Variants in LRRTM4 observed in about 807,000 individuals in gnomAD.
LRRTM4 encodes the protein leucine rich repeat transmembrane neuronal 4.
Under a neutral mutation model 47.6 loss-of-function variants are expected in LRRTM4, and 25 were observed. The observed-to-expected ratio is 0.53, with a 90% CI of 0.38 to 0.73. The LOEUF (loss-of-function observed/expected upper bound fraction) is 0.73. Ranked by LOEUF, LRRTM4 falls within the 30% of genes least tolerant of loss-of-function variation. The pLI, the probability that LRRTM4 is intolerant of heterozygous loss-of-function variation, is 0.00. For synonymous variants in LRRTM4, 311 were observed against 269.5 expected, an observed-to-expected ratio of 1.15 and a Z score of -1.51; for missense variants, 638 against 713.4, an observed-to-expected ratio of 0.89 and a Z score of 1.20.
chr2:76,794,135 T>C (rs141071817), intron 3 of LRRTM4, among the ~76,000 whole-genome samples: 21 of 151,976 alleles, frequency 1.4e-4, no homozygotes, highest in African/African-American at 2.2e-4. Context: ...TATGGAATGA[T>C]TGATGAGCAG....
intron 3 of LRRTM4, among the ~76,000 whole-genome samples, chr2:77,441,045 C>A (rs950573491): frequency 6.6e-6 from 1 of 152,088 alleles, no homozygotes; most frequent in African/African-American, 2.4e-5. Context: ...AAATAGTCTG[C>A]CAAAAGAACT....
chr2:77,029,267 G>A (rs563073294), intron 3 of LRRTM4, among the ~76,000 whole-genome samples: 3 of 151,862 alleles, frequency 2.0e-5, no homozygotes, highest in South Asian at 2.1e-4. Flanking sequence ...TGACTCACAC[G>A]ATCACAAGAT....
At chr2:76,987,756 A>T (rs574765308) in intron 3 of LRRTM4, among the ~76,000 whole-genome samples, 16 of 151,910 alleles carry the variant, frequency 1.1e-4, no homozygotes, top group Middle Eastern at 3.4e-3. Flanking sequence ...TATCCTGTAG[A>T]TGCACTAACA....
intron 3 of LRRTM4, among the ~76,000 whole-genome samples, chr2:76,848,111 TTG>T (rs1324316276): frequency 2.6e-5 from 4 of 152,094 alleles, no homozygotes; most frequent in African/African-American, 9.7e-5. Context: ...CTTAGATTCT[TTG>T]TGTGTGTTTG....
At chr2:77,503,643 G>C (rs1188603114) in intron 3 of LRRTM4, among the ~76,000 whole-genome samples, 2 of 151,518 alleles carry the variant, frequency 1.3e-5, no homozygotes, top group African/African-American at 4.8e-5. Context: ...GGGAGAGACA[G>C]AGAGAGAATA....
chr2:76,920,850 C>G (rs1417186988), intron 3 of LRRTM4, among the ~76,000 whole-genome samples: 1 of 152,038 alleles, frequency 6.6e-6, no homozygotes, highest in South Asian at 2.1e-4. Context: ...TTTACTGAAA[C>G]TATTTTTCCT....
intron 3 of LRRTM4, among the ~76,000 whole-genome samples, chr2:77,351,613 T>TC (rs1416055463): frequency 7.6e-6 from 1 of 131,086 alleles, no homozygotes; most frequent in African/African-American, 3.4e-5. Context: ...CCATGACAAA[T>TC]TTATATATAT....
At chr2:76,995,325 G>T (rs960300670) in intron 3 of LRRTM4, among the ~76,000 whole-genome samples, 4 of 152,152 alleles carry the variant, frequency 2.6e-5, no homozygotes, top group Middle Eastern at 3.4e-3. Context: ...GATGCACAAT[G>T]TTTATGCTTG....
At chr2:77,098,745 C>T (rs977378493) in intron 3 of LRRTM4, among the ~76,000 whole-genome samples, 1 of 151,686 alleles carries the variant, frequency 6.6e-6, no homozygotes. Flanking sequence ...ACATATTACT[C>T]ACAAAAGATT....
At chr2:77,439,398 T>C (rs1675744194) in intron 3 of LRRTM4, among the ~76,000 whole-genome samples, 1 of 152,140 alleles carries the variant, frequency 6.6e-6, no homozygotes, top group Non-Finnish European at 1.5e-5. Flanking sequence ...AATAGGTACA[T>C]ATCCATAGCT....
intron 3 of LRRTM4, among the ~76,000 whole-genome samples, chr2:77,451,612 T>G (rs975089721): frequency 1.3e-5 from 2 of 152,214 alleles, no homozygotes; most frequent in Admixed American, 6.5e-5. Flanking sequence ...TCTTAAATTC[T>G]AGGTGCTATT....
intron 3 of LRRTM4, among the ~76,000 whole-genome samples, chr2:77,195,446 AC>A (rs1296174720): frequency 6.6e-6 from 1 of 152,094 alleles, no homozygotes; most frequent in Admixed American, 6.6e-5. Context: ...TATTTAATAA[AC>A]TTTAACAAGT....
At chr2:76,825,110 G>C (rs574260724) in intron 3 of LRRTM4, among the ~76,000 whole-genome samples, 1 of 151,736 alleles carries the variant, frequency 6.6e-6, no homozygotes, top group East Asian at 1.9e-4. Context: ...TAGTAAGATA[G>C]ATAAGGGGTA....
At chr2:77,055,978 G>C (rs1205228877) in intron 3 of LRRTM4, among the ~76,000 whole-genome samples, 1 of 146,004 alleles carries the variant, frequency 6.8e-6, no homozygotes. Flanking sequence ...CTCATAGGTG[G>C]GAATTGAACA....
At chr2:76,794,836 C>G (rs1309438900) in intron 3 of LRRTM4, among the ~76,000 whole-genome samples, 1 of 152,002 alleles carries the variant, frequency 6.6e-6, no homozygotes, top group Admixed American at 6.6e-5. Context: ...GAAACTGACC[C>G]TACTTATTGC....
At chr2:77,237,441 T>C (rs185512832) in intron 3 of LRRTM4, among the ~76,000 whole-genome samples, 1 of 152,214 alleles carries the variant, frequency 6.6e-6, no homozygotes, top group Admixed American at 6.6e-5. Context: ...ATTCTCTCTT[T>C]TTTGCTTTTG....
chr2:76,838,096 AATAAT>A (rs904295636), intron 3 of LRRTM4, among the ~76,000 whole-genome samples: 1 of 138,746 alleles, frequency 7.2e-6, no homozygotes, highest in African/African-American at 2.6e-5. Context: ...TAATAATAAT[AATAAT>A]AAAAGAATGG....
At chr2:77,376,295 C>T (rs1672837931) in intron 3 of LRRTM4, among the ~76,000 whole-genome samples, 1 of 151,592 alleles carries the variant, frequency 6.6e-6, no homozygotes, top group Non-Finnish European at 1.5e-5. Flanking sequence ...TAACTCTTAT[C>T]TAATTTCCCC....
intron 3 of LRRTM4, among the ~76,000 whole-genome samples, chr2:76,936,240 A>G (rs1310817026): frequency 6.6e-6 from 1 of 152,132 alleles, no homozygotes; most frequent in Non-Finnish European, 1.5e-5. Flanking sequence ...CATATATACC[A>G]TGGACTACTA....
Sources: gnomAD v4.1 joint callset for allele counts (sites outside exome capture counted in the v4.1 genomes callset) on GRCh38, gnomAD v4.1.1 for gene constraint, MANE v1.5 for transcripts, NCBI Gene and HGNC (gene_info 2026-07-23, HGNC 2026-07-21) for gene names.